Variants in PCDHGA1 observed in about 807,000 individuals in gnomAD.
PCDHGA1 encodes the protein protocadherin gamma subfamily A, 1.
Under a neutral mutation model 58.0 loss-of-function variants are expected in PCDHGA1, and 32 were observed. The ratio of observed to expected loss-of-function variants is 0.55; its 90% confidence interval spans 0.42 to 0.74. The LOEUF (loss-of-function observed/expected upper bound fraction) is 0.74. PCDHGA1 is among the 30% of genes least tolerant of loss of function. PCDHGA1 has a pLI of 0.00. For missense variants in PCDHGA1, 1,205 were observed against 1,182.3 expected, an observed-to-expected ratio of 1.02 and a Z score of -0.28; for synonymous variants, 498 against 501.1, an observed-to-expected ratio of 0.99 and a Z score of 0.08.
At chr5:141,338,968 G>A (rs773936916) in intron 1 of PCDHGA1, 3 of 1,527,224 alleles carry the variant, frequency 2.0e-6, no homozygotes, top group South Asian at 2.6e-5. Flanking sequence ...GCGACAGGAG[G>A]GAAATGGCGG....
chr5:141,511,007 G>A lies in PCDHGA1; in HGVS notation c.2630G>A (p.Arg877His), dbSNP rs780918754. The change falls in exon 4 of 4, where the codon CGC becomes CAC. Residue 877 changes from arginine to histidine, a missense_variant. Physicochemically the swap from Arg to His is conservative, Grantham distance 29 (BLOSUM62 0). Transcript: ENST00000517417. ...GCCGGCACCATGGGATTGAGCGCCC[G>A]CTACGGACCCCAGTTCACCCTGCAG... is the stretch of plus-strand genomic sequence containing the variant. ...GGAGTMGLSA[R>H]YGPQFTLQHV... 1.9e-6 allele frequency: 3 copies of A among 1,614,158 alleles called. No individual in the cohort carries two copies. Among genetic ancestry groups the A allele is most frequent in the East Asian group, 4.5e-5 (2 of 44,890 alleles).
chr5:141,396,134 A>G (rs970824771), intron 1 of PCDHGA1: 1 of 152,226 alleles, frequency 6.6e-6, no homozygotes, highest in East Asian at 1.9e-4. Context: ...CACAAGTTCT[A>G]AATAAGCTGA....
At chr5:141,460,502 G>A (rs1300155108) in intron 1 of PCDHGA1, among the ~76,000 whole-genome samples, 1 of 152,094 alleles carries the variant, frequency 6.6e-6, no homozygotes, top group Non-Finnish European at 1.5e-5. Flanking sequence ...AAAATATGCT[G>A]AGAAGGCTAT....
At chr5:141,428,836 C>T (rs926107154) in intron 1 of PCDHGA1, 1 of 150,686 alleles carries the variant, frequency 6.6e-6, no homozygotes, top group African/African-American at 2.5e-5. Context: ...ATTTTTGAAA[C>T]ATTTTCACCA....
chr5:141,400,547 CT>C (rs765907405), intron 1 of PCDHGA1: 1 of 1,613,676 alleles, frequency 6.2e-7, no homozygotes, highest in East Asian at 2.2e-5. Context: ...TATGTCTATT[CT>C]TTTTCATTAC....
intron 1 of PCDHGA1, among the ~76,000 whole-genome samples, chr5:141,424,873 A>G (rs549945556): frequency 3.9e-5 from 6 of 152,198 alleles, no homozygotes; most frequent in Non-Finnish European, 8.8e-5. Context: ...CAAATGAGGA[A>G]AGGAGACTTA....
At chr5:141,345,370 A>G (rs760607119) in intron 1 of PCDHGA1, 47 of 1,613,982 alleles carry the variant, frequency 2.9e-5, no homozygotes, top group Middle Eastern at 1.6e-4. Context: ...ATTGACATCA[A>G]TGACAACCCA....
At chr5:141,353,093 G>T (rs1040742747) in intron 1 of PCDHGA1, among the ~76,000 whole-genome samples, 2 of 152,022 alleles carry the variant, frequency 1.3e-5, no homozygotes, top group African/African-American at 2.4e-5. Context: ...TGCGGGAGGG[G>T]GTACTAGATA....
In PCDHGA1 at chr5:141,332,619, C is replaced by T. The variant is rs765214655; in HGVS notation, c.1935C>T (p.Ala645=). 4 of 1,612,610 alleles carry T rather than the reference C, an allele frequency of 2.5e-6. No individual in the cohort carries two copies. In the African/African-American group the frequency reaches 5.3e-5, roughly 22 times the overall value. ...CGCTCAAGCAGAGTCTCGTGGTGGC[C>T]GTCCAGGACCACGGCCAGCCCCCGC... The part of the protein sequence containing the change: ...RDALKQSLVV[A]VQDHGQPPLS... The change falls in exon 1 of 4, where the codon GCC becomes GCT. Residue 645 remains alanine, a synonymous_variant. Coordinates refer to ENST00000517417, the MANE Select transcript of PCDHGA1 (RefSeq NM_018912.3). The surrounding 1 kb of genome is among the most constrained non-coding windows in gnomAD (Gnocchi z 4.6).
chr5:141,426,297 G>T (rs1056504791), intron 1 of PCDHGA1: 3 of 171,478 alleles, frequency 1.7e-5, no homozygotes, highest in African/African-American at 7.1e-5. Context: ...TGGGAAACAG[G>T]GTGAAGCAGA....
chr5:141,437,116 GA>G (rs914218907), intron 1 of PCDHGA1, among the ~76,000 whole-genome samples: 4 of 152,150 alleles, frequency 2.6e-5, no homozygotes, highest in African/African-American at 9.7e-5. Flanking sequence ...GGATTTTTAG[GA>G]CACTTGTTGA....
chr5:141,376,504 T>C, intron 1 of PCDHGA1: 1 of 1,614,034 alleles, frequency 6.2e-7, no homozygotes, highest in African/African-American at 1.3e-5. Context: ...CCAGGCAACT[T>C]CAGGTGAGTT....
chr5:141,418,247 G>T, intron 1 of PCDHGA1: 1 of 1,614,032 alleles, frequency 6.2e-7, no homozygotes, highest in Non-Finnish European at 8.5e-7. Context: ...TAATGACCAC[G>T]CCCCTCAATT....
At chr5:141,444,880 G>C (rs527554886) in intron 1 of PCDHGA1, among the ~76,000 whole-genome samples, 5 of 152,268 alleles carry the variant, frequency 3.3e-5, no homozygotes, top group Admixed American at 1.3e-4. Flanking sequence ...AAGCTTGTAG[G>C]ATTTTTGAAT....
At chr5:141,447,284 C>A (rs979564320) in intron 1 of PCDHGA1, among the ~76,000 whole-genome samples, 1 of 152,124 alleles carries the variant, frequency 6.6e-6, no homozygotes, top group African/African-American at 2.4e-5. Context: ...GGACTACAGG[C>A]ACATGCCACC....
chr5:141,414,793 G>A lies in PCDHGA1; in HGVS notation c.2422-80014G>A, dbSNP rs756653393. On this transcript the variant is annotated intron_variant, in intron 1 of 3. Transcript: ENST00000517417. ...GCTACAGATGCAGGTGACAGCCAGCGACAGCGGGGATCCTCCACTCAGCAG... is the reference window on the plus strand; with the variant it reads ...GCTACAGATGCAGGTGACAGCCAGCAACAGCGGGGATCCTCCACTCAGCAG... 2.5e-6 allele frequency: 4 copies of A among 1,614,100 alleles called. No individual in the cohort carries two copies. The African/African-American group carries it at 4.0e-5, about 16-fold the overall frequency.
intron 3 of PCDHGA1, among the ~76,000 whole-genome samples, chr5:141,509,164 C>A (rs1454864362): frequency 6.6e-6 from 1 of 152,188 alleles, no homozygotes; most frequent in Non-Finnish European, 1.5e-5. Context: ...TCCCGTGTGC[C>A]CTCCTCCTCT....
At chr5:141,456,918 G>C (rs535602842) in intron 1 of PCDHGA1, among the ~76,000 whole-genome samples, 49 of 152,124 alleles carry the variant, frequency 3.2e-4, no homozygotes, top group African/African-American at 1.2e-3. Context: ...AGCCGAGATC[G>C]CACCACTGCA....
chr5:141,403,667 G>T (rs1386561971), intron 1 of PCDHGA1: 8 of 1,613,910 alleles, frequency 5.0e-6, no homozygotes, highest in Non-Finnish European at 6.8e-6. Flanking sequence ...AAATGATAAT[G>T]CCCCGGTTTT....
Sources: allele counts gnomAD v4.1 joint callset (sites outside exome capture counted in the v4.1 genomes callset), GRCh38; gene constraint gnomAD v4.1.1; non-coding constraint Gnocchi (gnomAD v3.1); transcripts MANE v1.5; gene names NCBI Gene and HGNC (gene_info 2026-07-23, HGNC 2026-07-21).